BCAT1: variants seen among roughly 807,000 people sequenced by gnomAD.
BCAT1 encodes the protein branched chain amino acid transaminase 1.
In BCAT1, 48 loss-of-function variants were observed where a neutral mutation model predicts 52.4. The ratio of observed to expected loss-of-function variants is 0.92; its 90% CI spans 0.73 to 1.16. BCAT1 has a LOEUF of 1.16. BCAT1 is among the 50% of genes most tolerant of loss of function. BCAT1 has a pLI of 0.00. For synonymous variants in BCAT1, 167 were observed against 161.3 expected, an observed-to-expected ratio of 1.04 and a Z score of -0.27; for missense variants, 451 against 457.1, an observed-to-expected ratio of 0.99 and a Z score of 0.12.
At position 24,943,493 on chromosome 12, in the gene BCAT1, GAAAAAAA is replaced by G. The variant is rs4031153; in HGVS notation, c.6+5427_6+5433del. ...AGGTGACAGAATGAGACCCTATCTG[GAAAAAAA>G]AAAAAAAAAAAAAAAAAATTTACAA... is the stretch of plus-strand genomic sequence containing the variant. On this transcript the variant is annotated intron_variant, in intron 1 of 10. Transcript: ENST00000261192. Among the ~76,000 whole-genome samples the G allele has an allele frequency of 9.9e-3, 582 of 58,576 alleles. 8 individuals carry two copies. The highest frequency in any genetic ancestry group is 0.029 in the African/African-American group (507 of 17,436). 38.4% of individuals were successfully genotyped at this position (58,576 alleles called of 152,430 possible).
intron 6 of BCAT1, among the ~76,000 whole-genome samples, chr12:24,849,088 A>G (rs181074489): frequency 6.6e-6 from 1 of 152,348 alleles, no homozygotes; most frequent in Admixed American, 6.5e-5. Flanking sequence ...AAACAGCACC[A>G]TTTGATACAT....
intron 10 of BCAT1, among the ~76,000 whole-genome samples, chr12:24,825,058 T>C (rs2139342099): frequency 6.6e-6 from 1 of 152,226 alleles, no homozygotes; most frequent in Non-Finnish European, 1.5e-5. Flanking sequence ...GTTCCATACA[T>C]GTTGCTGCAA....
intron 1 of BCAT1, among the ~76,000 whole-genome samples, chr12:24,925,142 T>G (rs908518093): frequency 3.3e-5 from 5 of 152,194 alleles, no homozygotes; most frequent in African/African-American, 1.2e-4. Flanking sequence ...TCAGCAGACT[T>G]TGAGTAAAGC....
intron 1 of BCAT1, among the ~76,000 whole-genome samples, chr12:24,946,715 G>A (rs865942385): frequency 2.0e-5 from 3 of 152,136 alleles, no homozygotes; most frequent in South Asian, 4.1e-4. Context: ...ATCGCTCTGC[G>A]CTATTTTTCT....
chr12:24,849,481 T>G (rs142651384), intron 6 of BCAT1, among the ~76,000 whole-genome samples: 14 of 152,340 alleles, frequency 9.2e-5, no homozygotes, highest in African/African-American at 2.6e-4. Flanking sequence ...GATGTGATGC[T>G]TGTTGTAGTT....
At chr12:24,883,927 C>A (rs1313953457) in intron 3 of BCAT1, among the ~76,000 whole-genome samples, 1 of 152,206 alleles carries the variant, frequency 6.6e-6, no homozygotes, top group East Asian at 1.9e-4. Flanking sequence ...TCACTCGCAG[C>A]TGCTCACCTC....
chr12:24,894,648 A>G (rs1278487277), intron 2 of BCAT1, among the ~76,000 whole-genome samples, 173 bp from the exon 3 acceptor site: 1 of 152,224 alleles, frequency 6.6e-6, no homozygotes, highest in Non-Finnish European at 1.5e-5. Flanking sequence ...GAATTCGGCC[A>G]GTTATTCATA....
intron 6 of BCAT1, 129 bp from the exon 7 acceptor site, chr12:24,842,353 T>G: frequency 1.0e-6 from 1 of 1,004,532 alleles, no homozygotes. Context: ...TCTTAATATA[T>G]ATACACTCTC....
chr12:24,812,604 A>G lies in BCAT1; in HGVS notation c.*5404T>C. ...AGCATTATTTGTATTTAGCAACTAC[A>G]TTGAAAGCTGAAGAAGATCTCAATG... is the stretch of plus-strand genomic sequence containing the variant. On this transcript the variant is annotated 3_prime_UTR_variant, in exon 11 of 11. Transcript: ENST00000261192. 1 of 152,086 alleles carries G rather than the reference A, an allele frequency of 6.6e-6. No individual in the cohort carries two copies. The highest frequency in any genetic ancestry group is 1.9e-4 in the East Asian group (1 of 5,202). The allele number at this position is 152,086 out of a possible 1,614,324, so 9.4% of individuals were successfully genotyped here.
rs565902113 is a variant in BCAT1 at position 24,936,835 on chromosome 12, C to T, written c.6+12092G>A. Among the ~76,000 whole-genome samples, 16 of 151,688 alleles carry T rather than the reference C, an allele frequency of 1.1e-4. 1 individual carries two copies. Among genetic ancestry groups the T allele is most frequent in the South Asian group, 6.3e-4 (3 of 4,796 alleles). ...ACCCTCTGCCTCTCTCTTATAAAGA[C>T]GCTACTGATTATATTGGACCTATTT... On this transcript the variant is annotated intron_variant, in intron 1 of 10. Transcript: ENST00000261192.
In BCAT1 at chr12:24,817,999, AT is replaced by A; in HGVS notation, c.*8del. On this transcript the variant is annotated 3_prime_UTR_variant, in exon 11 of 11. Transcript: ENST00000261192. ...TCCTCTATTTTCCATTGTATCCTCT[AT>A]TTTCCATTCAGGATAGCACAATTGT... 1 of 1,612,618 alleles carries A rather than the reference AT, an allele frequency of 6.2e-7. No homozygotes were observed. Among genetic ancestry groups the A allele is most frequent in the Non-Finnish European group, 8.5e-7 (1 of 1,179,032 alleles).
At chr12:24,876,217 A>C (rs923762453) in intron 5 of BCAT1, among the ~76,000 whole-genome samples, 1 of 149,026 alleles carries the variant, frequency 6.7e-6, no homozygotes, top group Non-Finnish European at 1.5e-5. Context: ...GTTGGAGTGC[A>C]GCTGTATTAG....
chr12:24,906,961 A>T (rs1204465621), intron 1 of BCAT1, among the ~76,000 whole-genome samples: 4 of 152,148 alleles, frequency 2.6e-5, no homozygotes, highest in Non-Finnish European at 5.9e-5. Context: ...CTCAAACGCA[A>T]ATCTGAAGAC....
Position 24,871,178 on chromosome 12 carries a change from T to C in BCAT1, c.510+7352A>G, listed in dbSNP as rs369682915. On this transcript the variant is annotated intron_variant, in intron 5 of 10. Transcript: ENST00000261192. ...AGGAGACCAGGCCATTCCCGAAAAG[T>C]AGCAGTACCTTCTTGGGGTGGAAGT... is the stretch of plus-strand genomic sequence containing the variant. 8.5e-5 allele frequency among the ~76,000 whole-genome samples: 13 copies of C among 152,240 alleles called. No homozygotes were observed. In the East Asian group the frequency reaches 2.1e-3, roughly 25 times the overall value.
chr12:24,824,781 C>T (rs1940314694), intron 10 of BCAT1, among the ~76,000 whole-genome samples: 4 of 152,084 alleles, frequency 2.6e-5, no homozygotes, highest in Admixed American at 2.6e-4. Context: ...TTCTAAACTC[C>T]TGATTTTTAA....
Position 24,878,529 on chromosome 12 carries a change from C to A in BCAT1, c.510+1G>T, listed in dbSNP as rs773218561. On this transcript the variant is annotated splice_donor_variant, in intron 5 of 10. Transcript: ENST00000261192. LOFTEE classifies it high-confidence loss of function. Reference sequence around the variant, plus strand: ...CCCCAAAATAAAGAGTCAGTTTGCACCTCAGTTCCAATGAATGTAGGACGA... The same window carrying A: ...CCCCAAAATAAAGAGTCAGTTTGCAACTCAGTTCCAATGAATGTAGGACGA... The A allele has an allele frequency of 1.2e-6, 2 of 1,604,352 alleles. No homozygotes were observed. The highest frequency in any genetic ancestry group is 2.3e-5 in the South Asian group (2 of 88,686).
chr12:24,866,426 T>TGCCAC (rs911538046), intron 5 of BCAT1, among the ~76,000 whole-genome samples: 4 of 152,054 alleles, frequency 2.6e-5, no homozygotes, highest in Non-Finnish European at 5.9e-5. Flanking sequence ...CCCTGACGAG[T>TGCCAC]GCCACCCCCA....
chr12:24,834,171 C>T (rs1385106552), intron 8 of BCAT1: 44 of 979,270 alleles, frequency 4.5e-5, no homozygotes, highest in Admixed American at 1.2e-4. Flanking sequence ...GTTCAAATAT[C>T]TGAAATACTC....
intron 10 of BCAT1, among the ~76,000 whole-genome samples, chr12:24,818,396 T>A (rs1013125204): frequency 6.6e-6 from 1 of 152,226 alleles, no homozygotes; most frequent in Non-Finnish European, 1.5e-5. Context: ...CTCATTGAGT[T>A]AACTTGCTTA....
Sources: allele counts gnomAD v4.1 joint callset (sites outside exome capture counted in the v4.1 genomes callset), GRCh38; gene constraint gnomAD v4.1.1; transcripts MANE v1.5; gene names NCBI Gene and HGNC (gene_info 2026-07-23, HGNC 2026-07-21).